PODXL2: variants seen among roughly 807,000 people sequenced by gnomAD.
PODXL2 encodes the protein podocalyxin-like protein 2.
Under a neutral mutation model 53.4 loss-of-function variants are expected in PODXL2, and 17 were observed. The ratio of observed to expected loss-of-function variants is 0.32; its 90% CI spans 0.22 to 0.48. PODXL2 has a LOEUF of 0.48. Among genes scored for constraint, PODXL2 ranks in the 20% least tolerant of loss-of-function variants. The probability of loss-of-function intolerance (pLI) is 0.99; values close to 1 mark genes in which losing one functional copy is unlikely to be tolerated. For missense variants in PODXL2, 673 were observed against 760.0 expected (o/e 0.89, Z 1.35); for synonymous variants, 311 against 306.7 (o/e 1.01, Z -0.15).
chr3:127,671,512 T>C lies in PODXL2; in HGVS notation c.1504T>C (p.Phe502Leu). ...SQVRSDYGTLFVVLVVIGAIC... is the reference protein window; with the variant it reads ...SQVRSDYGTLLVVLVVIGAIC... ...GGTGCGCAGCGACTACGGCACGCTC[T>C]TCGTGGTGCTGGTGGTCATTGGGGC... is the stretch of plus-strand genomic sequence containing the variant. Residue 502 changes from phenylalanine to leucine, a missense_variant, in exon 7 of 8, where the codon TTC (phenylalanine) becomes CTC (leucine). Physicochemically the swap from Phe to Leu is conservative, Grantham distance 22. This residue lies in a region of PODXL2 where 588 missense variants were observed against 668.3 expected (regional missense o/e 0.88). Coordinates refer to ENST00000342480, the MANE Select transcript of PODXL2 (RefSeq NM_015720.4). 4.3e-6 allele frequency: 7 copies of C among 1,614,172 alleles called. No individual in the cohort carries two copies. Among genetic ancestry groups the C allele is most frequent in the Non-Finnish European group, 5.9e-6 (7 of 1,180,018 alleles).
At chr3:127,648,324 G>A (rs1211648011) in intron 2 of PODXL2, among the ~76,000 whole-genome samples, 1 of 152,204 alleles carries the variant, frequency 6.6e-6, no homozygotes, top group Non-Finnish European at 1.5e-5. Context: ...GTACAGCGAA[G>A]CCTTGTTGTG....
chr3:127,654,405 G>T (rs2074708812), intron 2 of PODXL2, among the ~76,000 whole-genome samples: 1 of 152,124 alleles, frequency 6.6e-6, no homozygotes, highest in Non-Finnish European at 1.5e-5. Flanking sequence ...CTCCCATTTG[G>T]ATCCAGTCTC....
chr3:127,629,207 C>G lies in PODXL2; in HGVS notation c.-13C>G, dbSNP rs2074524041. On this transcript the variant is annotated 5_prime_UTR_variant, in exon 1 of 8. Transcript: ENST00000342480. The surrounding 1 kb of genome is among the most constrained non-coding windows in gnomAD (Gnocchi z 6.4). The stretch of plus-strand genomic sequence containing the variant: ...GCCGCGCCGCTGCGGCTGCAGGCGG[C>G]GACGGCTACACCATGGGCCGGCTGC... The G allele has an allele frequency of 1.0e-6, 1 of 986,802 alleles. No homozygotes were observed. The highest frequency in any genetic ancestry group is 1.2e-6 in the Non-Finnish European group (1 of 831,914). 61.1% of individuals were successfully genotyped at this position (986,802 alleles called of 1,614,324 possible). A position where few individuals can be genotyped will look rare whatever the true frequency, so the allele number is the denominator to read the frequency against.
chr3:127,664,654 A>T (rs1025771134), intron 4 of PODXL2, among the ~76,000 whole-genome samples: 1 of 151,972 alleles, frequency 6.6e-6, no homozygotes, highest in African/African-American at 2.4e-5. Flanking sequence ...ATCCTCATAA[A>T]CACTTGTTCT....
Position 127,672,324 on chromosome 3 carries a change from G to A in PODXL2, c.1662G>A (p.Leu554=). ...ACGGCTGCCACGACAACCCCACGCT[G>A]GACGTGGCCAGCGACAGCCAGTCGG... ...VENGCHDNPT[L]DVASDSQSEM... The change falls in exon 8 of 8, where the codon CTG becomes CTA. Residue 554 remains leucine (L), a synonymous_variant. Coordinates refer to ENST00000342480, the MANE Select transcript of PODXL2 (RefSeq NM_015720.4). 6.5e-7 allele frequency: 1 copy of A among 1,550,210 alleles called. No homozygotes were observed. The highest frequency in any genetic ancestry group is 8.7e-7 in the Non-Finnish European group (1 of 1,148,210).
intron 3 of PODXL2, among the ~76,000 whole-genome samples, chr3:127,661,451 C>T (rs1336933692): frequency 1.1e-4 from 16 of 145,584 alleles, no homozygotes; most frequent in African/African-American, 2.5e-4. Context: ...TTTTTTTTTT[C>T]CCGAGATGGA....
At position 127,671,597 on chromosome 3, in the gene PODXL2, C is replaced by G. The variant is rs1038615883; in HGVS notation, c.1589C>G (p.Pro530Arg). The G allele has an allele frequency of 6.2e-7, 1 of 1,613,478 alleles. No individual in the cohort carries two copies. The highest frequency in any genetic ancestry group is 1.3e-5 in the African/African-American group (1 of 74,944). ...TACAACTGCTGGCAGCGCCGGCTGC[C>G]CAAGCTCAAGCACGTGGTGAGTGTG... is the stretch of plus-strand genomic sequence containing the variant. ...LLYNCWQRRLPKLKHVSHGEE... is the reference protein window; with the variant it reads ...LLYNCWQRRLRKLKHVSHGEE... The change falls in exon 7 of 8, where the codon CCC becomes CGC. Residue 530 changes from proline to arginine, a missense_variant. Pro to Arg is a moderately radical substitution (Grantham distance 103, BLOSUM62 -2). This residue lies in a region of PODXL2 where 588 missense variants were observed against 668.3 expected (regional missense o/e 0.88). Transcript: ENST00000342480.
rs373340914 is a variant in PODXL2, at chr3:127,668,919, AGTG to A, written c.1364-220_1364-218del. Among the ~76,000 whole-genome samples, 57 of 152,264 alleles carry A rather than the reference AGTG, an allele frequency of 3.7e-4. No homozygotes were observed. The East Asian group carries it at 0.01, about 27-fold the overall frequency. Reference sequence around the variant, plus strand: ...CAGAAGGCAGTGTGTGGGCTTCGCAAGTGGCTGGCTGGTGTTATACAAATCGAT... The same window carrying A: ...CAGAAGGCAGTGTGTGGGCTTCGCAAGCTGGCTGGTGTTATACAAATCGAT... On this transcript the variant is annotated intron_variant, in intron 5 of 7. Coordinates refer to ENST00000342480, the MANE Select transcript of PODXL2 (RefSeq NM_015720.4).
intron 2 of PODXL2, among the ~76,000 whole-genome samples, chr3:127,651,109 C>T (rs543303462): frequency 9.7e-4 from 148 of 152,050 alleles, no homozygotes; most frequent in Non-Finnish European, 1.6e-3. Context: ...TACTAAAATA[C>T]GAAAATTAGC....
intron 1 of PODXL2, among the ~76,000 whole-genome samples, chr3:127,638,740 A>G (rs1430741399): frequency 1.3e-5 from 2 of 152,160 alleles, no homozygotes; most frequent in African/African-American, 2.4e-5. Flanking sequence ...TAAAAAAACT[A>G]AAGACTATGT....
intron 1 of PODXL2, among the ~76,000 whole-genome samples, chr3:127,633,581 G>T (rs571670851): frequency 6.6e-6 from 1 of 152,152 alleles, no homozygotes; most frequent in South Asian, 2.1e-4. Flanking sequence ...TATTTCATTT[G>T]TAAAACAAGA....
intron 3 of PODXL2, among the ~76,000 whole-genome samples, 174 bp downstream of exon 3, chr3:127,661,333 G>A (rs533508717): frequency 3.3e-5 from 5 of 152,276 alleles, no homozygotes; most frequent in Admixed American, 6.5e-5. Flanking sequence ...GCCAACAATG[G>A]GTGTTCTCCC....
At position 127,668,648 on chromosome 3, in the gene PODXL2, C is replaced by T. The variant is rs147030421; in HGVS notation, c.1363+51C>T. 9.1e-4 allele frequency: 1,297 copies of T among 1,430,082 alleles called. 9 individuals are homozygous for T. In the African/African-American group the frequency reaches 0.012, roughly 13 times the overall value. The allele number at this position is 1,430,082 out of a possible 1,614,324, so 88.6% of individuals were successfully genotyped here. ...GCCCAGGAGGGCAGTGGGAGGCGGG[C>T]GGCCCCTGAGGGTCACGGGAAAAAA... is the stretch of plus-strand genomic sequence containing the variant. On this transcript the variant is annotated intron_variant, in intron 5 of 7. Coordinates refer to ENST00000342480, the MANE Select transcript of PODXL2 (RefSeq NM_015720.4).
intron 2 of PODXL2, among the ~76,000 whole-genome samples, chr3:127,652,513 C>G (rs1576430988): frequency 6.6e-6 from 1 of 152,164 alleles, no homozygotes; most frequent in African/African-American, 2.4e-5. Flanking sequence ...CTTAGACATT[C>G]GTGGCCTCCC....
At chr3:127,645,626 AC>A (rs2074647607) in intron 2 of PODXL2, among the ~76,000 whole-genome samples, 1 of 152,158 alleles carries the variant, frequency 6.6e-6, no homozygotes, top group Non-Finnish European at 1.5e-5. Context: ...CCCAGAGGGG[AC>A]ATCTCCGTGT....
intron 1 of PODXL2, 71 bp from the exon 2 acceptor site, chr3:127,639,174 T>C: frequency 3.5e-6 from 5 of 1,439,266 alleles, no homozygotes; most frequent in Non-Finnish European, 3.7e-6. Context: ...ATTTGAGACA[T>C]GCTCTAACCT....
At chr3:127,656,727 TC>T (rs1412116279) in intron 2 of PODXL2, among the ~76,000 whole-genome samples, 4 of 66,308 alleles carry the variant, frequency 6.0e-5, no homozygotes, top group African/African-American at 2.5e-4. Flanking sequence ...AGAGCAAGAC[TC>T]CATCTCAAAA....
chr3:127,657,394 GA>G (rs1039082720), intron 2 of PODXL2, among the ~76,000 whole-genome samples: 1 of 152,200 alleles, frequency 6.6e-6, no homozygotes, highest in Non-Finnish European at 1.5e-5. Flanking sequence ...AGTGCGTCCT[GA>G]AGGTTTCCAA....
In PODXL2 at chr3:127,672,284, T is replaced by G. The variant is rs2074853004; in HGVS notation, c.1622T>G (p.Leu541Arg). Residue 541 changes from leucine (L) to arginine (R), a missense_variant, in exon 8 of 8, where the codon CTG becomes CGG. Physicochemically the swap from Leu to Arg is moderately radical, Grantham distance 102 (BLOSUM62 -2). Around this residue, in one of 3 missense-constraint regions of PODXL2, gnomAD observed 588 missense variants for 668.3 expected, o/e 0.88. Coordinates refer to ENST00000342480, the MANE Select transcript of PODXL2 (RefSeq NM_015720.4). ...KLKHVSHGEELRFVENGCHDN... is the reference protein window; with the variant it reads ...KLKHVSHGEERRFVENGCHDN... ...CCGCCTCAGTCGCACGGCGAGGAGCTGCGCTTCGTGGAGAACGGCTGCCAC... is the reference window on the plus strand; with the variant it reads ...CCGCCTCAGTCGCACGGCGAGGAGCGGCGCTTCGTGGAGAACGGCTGCCAC... The G allele has an allele frequency of 6.5e-7, 1 of 1,545,380 alleles. No individual in the cohort carries two copies. The highest frequency in any genetic ancestry group is 1.2e-5 in the South Asian group (1 of 84,134).
Sources: gnomAD v4.1 joint callset for allele counts (sites outside exome capture counted in the v4.1 genomes callset) on GRCh38, gnomAD v4.1.1 for gene constraint, gnomAD v4.1.1 regional missense constraint, Gnocchi (gnomAD v3.1) non-coding constraint, MANE v1.5 for transcripts, NCBI Gene and HGNC (gene_info 2026-07-23, HGNC 2026-07-21) for gene names.